Variants in FSTL4 observed in about 807,000 individuals in gnomAD.
FSTL4 encodes follistatin like 4.
In FSTL4, 28 loss-of-function variants were observed where a neutral mutation model predicts 78.2. The ratio of observed to expected loss-of-function variants is 0.36; its 90% confidence interval spans 0.27 to 0.49. The LOEUF (loss-of-function observed/expected upper bound fraction) is 0.49. FSTL4 is among the 20% of genes least tolerant of loss of function. The pLI, the probability that FSTL4 is intolerant of heterozygous loss-of-function variation, is 0.98. For missense variants in FSTL4, 922 were observed against 1,084.9 expected (o/e 0.85, Z 2.11); for synonymous variants, 422 against 440.5 (o/e 0.96, Z 0.53).
chr5:133,515,356 C>T (rs984240329), intron 3 of FSTL4, among the ~76,000 whole-genome samples: 1 of 151,284 alleles, frequency 6.6e-6, no homozygotes, highest in Non-Finnish European at 1.5e-5. Flanking sequence ...CACACCACTG[C>T]ACTCCAGCCT....
intron 2 of FSTL4, among the ~76,000 whole-genome samples, chr5:133,599,735 A>G (rs1019811542): frequency 1.3e-5 from 2 of 152,120 alleles, no homozygotes; most frequent in Non-Finnish European, 2.9e-5. Flanking sequence ...CCAGGCCCCA[A>G]AAGTGGGAGG....
intron 3 of FSTL4, among the ~76,000 whole-genome samples, chr5:133,552,347 C>T (rs1392271626): frequency 1.3e-5 from 2 of 152,130 alleles, no homozygotes; most frequent in East Asian, 1.9e-4. Context: ...CACTTAGTCT[C>T]GCTATGAGGA....
At chr5:133,617,543 C>T in the FSTL4 span, among the ~76,000 whole-genome samples, 22 of 152,236 alleles carry the variant, frequency 1.4e-4, no homozygotes, top group East Asian at 1.9e-3. Context: ...ATGGTCTCTA[C>T]GGAGATGCAG....
upstream of FSTL4, among the ~76,000 whole-genome samples, chr5:133,617,097 G>A (rs996740079): frequency 2.0e-5 from 3 of 151,988 alleles, no homozygotes; most frequent in East Asian, 5.8e-4. Flanking sequence ...TCAAGGGGTC[G>A]AGACCATCCC....
intron 15 of FSTL4, among the ~76,000 whole-genome samples, chr5:133,200,121 G>T (rs75648816): frequency 0.013 from 2,023 of 152,346 alleles, 41 homozygotes; most frequent in African/African-American, 0.045. Flanking sequence ...TTTCCCTGAG[G>T]CCCATGCCAG....
rs371780507 is a variant in FSTL4 at position 133,292,772 on chromosome 5, C to G, written c.727+19882G>C. ...ATCCTCACAAGGGAAAAAAAAAAGC[C>G]CACTGACTCTTTACAGCAACTCCCA... On this transcript the variant is annotated intron_variant, in intron 6 of 15. Coordinates refer to ENST00000265342, the MANE Select transcript of FSTL4 (RefSeq NM_015082.2). Among the ~76,000 whole-genome samples, 20 of 151,934 alleles carry G rather than the reference C, an allele frequency of 1.3e-4. No individual in the cohort carries two copies. The East Asian group carries it at 3.1e-3, about 23-fold the overall frequency.
the FSTL4 span, among the ~76,000 whole-genome samples, chr5:133,706,283 CA>C: frequency 1.3e-5 from 2 of 152,054 alleles, no homozygotes; most frequent in Non-Finnish European, 2.9e-5. Context: ...AGTTGGCATT[CA>C]AAAAATGATA....
chr5:133,745,015 G>A, the FSTL4 span, among the ~76,000 whole-genome samples: 3 of 152,230 alleles, frequency 2.0e-5, no homozygotes, highest in Admixed American at 1.3e-4. Context: ...AAGGCTGTTT[G>A]TTTTCAGGAA....
the FSTL4 span, among the ~76,000 whole-genome samples, chr5:133,710,404 C>T: frequency 6.6e-6 from 1 of 152,216 alleles, no homozygotes; most frequent in Non-Finnish European, 1.5e-5. Flanking sequence ...TTTACACTTA[C>T]TGTCCACTCT....
At chr5:133,613,073 A>G (rs559130910), upstream of FSTL4, among the ~76,000 whole-genome samples, 1 of 152,352 alleles carries the variant, frequency 6.6e-6, no homozygotes, top group South Asian at 2.1e-4. Flanking sequence ...GGCAATCCCA[A>G]GTGACATTTG....
At chr5:133,816,547 C>T in the FSTL4 span, among the ~76,000 whole-genome samples, 87 of 152,324 alleles carry the variant, frequency 5.7e-4, 1 homozygote, top group South Asian at 0.017. Context: ...CTCCCAGGCC[C>T]TGCAACTCCC....
chr5:133,457,818 A>G (rs1044926511), intron 3 of FSTL4: 8 of 152,240 alleles, frequency 5.3e-5, no homozygotes, highest in African/African-American at 1.9e-4. Context: ...AAGAAAAGGG[A>G]ACACAGTGAC....
chr5:133,699,995 A>G, the FSTL4 span, among the ~76,000 whole-genome samples: 60 of 151,940 alleles, frequency 3.9e-4, no homozygotes, highest in Middle Eastern at 3.4e-3. Flanking sequence ...ACCAGACTCA[A>G]CTCCAGACTT....
intron 3 of FSTL4, among the ~76,000 whole-genome samples, chr5:133,438,147 G>A (rs1757074584): frequency 6.6e-6 from 1 of 152,178 alleles, no homozygotes; most frequent in Non-Finnish European, 1.5e-5. Context: ...GAAAAAGCAG[G>A]AAGATGGTGT....
intron 3 of FSTL4, among the ~76,000 whole-genome samples, chr5:133,483,138 G>A (rs1287222749): frequency 6.6e-6 from 1 of 152,138 alleles, no homozygotes; most frequent in Non-Finnish European, 1.5e-5. Context: ...ATAAAGGGCA[G>A]TTCCCCTGCA....
intron 3 of FSTL4, among the ~76,000 whole-genome samples, chr5:133,437,490 T>TTG (rs1561716678): frequency 1.4e-5 from 2 of 141,700 alleles, no homozygotes; most frequent in Admixed American, 6.9e-5. Context: ...TAGGTGTTTT[T>TTG]TTTTTTTTTT....
chr5:133,830,764 A>C, the FSTL4 span, among the ~76,000 whole-genome samples: 1 of 151,988 alleles, frequency 6.6e-6, no homozygotes, highest in Non-Finnish European at 1.5e-5. Flanking sequence ...TTAGGTGAAC[A>C]CCCCAGACTC....
At chr5:133,215,651 AAAC>A (rs1283742171) in intron 13 of FSTL4, among the ~76,000 whole-genome samples, 1 of 152,212 alleles carries the variant, frequency 6.6e-6, no homozygotes, top group Admixed American at 6.5e-5. Flanking sequence ...TGATGGCTTA[AAAC>A]AACACATTTA....
At chr5:133,201,610 AG>A (rs1561614690) in intron 15 of FSTL4, among the ~76,000 whole-genome samples, 4 of 152,190 alleles carry the variant, frequency 2.6e-5, no homozygotes, top group Non-Finnish European at 5.9e-5. Context: ...TAGCAAGCAG[AG>A]GGTGCTCAAT....
Sources: allele counts gnomAD v4.1 joint callset (sites outside exome capture counted in the v4.1 genomes callset), GRCh38; gene constraint gnomAD v4.1.1; transcripts MANE v1.5; gene names NCBI Gene and HGNC (gene_info 2026-07-23, HGNC 2026-07-21).